Variants in GABRA4 observed in about 807,000 individuals in gnomAD.
GABRA4 encodes gamma-aminobutyric acid receptor subunit alpha-4.
A neutral mutation model predicts 49.7 loss-of-function variants in GABRA4; 12 were observed. The observed-to-expected ratio is 0.24, with a 90% CI of 0.15 to 0.39. The LOEUF (loss-of-function observed/expected upper bound fraction) is 0.39. Ranked by LOEUF, GABRA4 falls within the 10% of genes least tolerant of loss-of-function variation. The pLI is 1.00. For synonymous variants in GABRA4, 288 were observed against 240.2 expected (o/e 1.20, Z -1.84); for missense variants, 506 against 686.0 (o/e 0.74, Z 2.93).
rs556060010 is a variant in GABRA4 at position 46,968,721 on chromosome 4, A to T, written c.874+2362T>A. ...TTTTCTTAAAATATCTTGTTTGGAT[A>T]GGAAATGTTGGGTGAGTACAGCTGT... On this transcript the variant is annotated intron_variant, in intron 7 of 8. Coordinates refer to ENST00000264318, the MANE Select transcript of GABRA4 (RefSeq NM_000809.4). 1.9e-3 allele frequency among the ~76,000 whole-genome samples: 284 copies of T among 151,770 alleles called. 2 individuals carry two copies. The highest frequency in any genetic ancestry group is 6.7e-3 in the African/African-American group (279 of 41,494).
intron 2 of GABRA4, among the ~76,000 whole-genome samples, chr4:46,988,228 C>T (rs181963242): frequency 2.2e-4 from 34 of 152,216 alleles, no homozygotes; most frequent in Middle Eastern, 6.8e-3. Flanking sequence ...ATTAGATTAT[C>T]TCATAGCATT....
chr4:46,986,266 C>A (rs1723532428), intron 2 of GABRA4, among the ~76,000 whole-genome samples: 1 of 151,874 alleles, frequency 6.6e-6, no homozygotes, highest in Non-Finnish European at 1.5e-5. Context: ...AATCTTATTC[C>A]ATTCTCTCTC....
intron 7 of GABRA4, 92 bp downstream of exon 7, chr4:46,970,991 T>C (rs2109384841): frequency 8.6e-7 from 1 of 1,157,862 alleles, no homozygotes; most frequent in Admixed American, 2.2e-5. Flanking sequence ...TAGCCTGATG[T>C]ATTAGGGTTT....
At chr4:46,966,601 T>A (rs1428042386) in intron 7 of GABRA4, among the ~76,000 whole-genome samples, 1 of 151,696 alleles carries the variant, frequency 6.6e-6, no homozygotes, top group African/African-American at 2.4e-5. Flanking sequence ...TTATAATATG[T>A]CACATGGTGC....
In GABRA4 at chr4:46,925,525, C is replaced by T. The variant is rs1180976000; in HGVS notation, c.*2700G>A. The T allele has an allele frequency of 6.6e-6, 1 of 151,576 alleles. No homozygotes were observed. The highest frequency in any genetic ancestry group is 1.5e-5 in the Non-Finnish European group (1 of 67,740). The allele number at this position is 151,576 out of a possible 1,614,324, so 9.4% of individuals were successfully genotyped here. ...TCAGCCAAAATTATTCATTATTATT[C>T]ATAGATAACCAGAACTTTGGGTGCC... On this transcript the variant is annotated 3_prime_UTR_variant, in exon 9 of 9. Coordinates refer to ENST00000264318, the MANE Select transcript of GABRA4 (RefSeq NM_000809.4).
chr4:46,935,766 A>G (rs1229184419), intron 8 of GABRA4, among the ~76,000 whole-genome samples: 1 of 152,192 alleles, frequency 6.6e-6, no homozygotes, highest in African/African-American at 2.4e-5. Context: ...GTGTATACCT[A>G]TGTAACAAAC....
intron 8 of GABRA4, among the ~76,000 whole-genome samples, chr4:46,930,398 G>A (rs560263909): frequency 2.4e-4 from 37 of 152,008 alleles, no homozygotes; most frequent in Non-Finnish European, 4.3e-4. Context: ...GATTATCATT[G>A]ATCCTAAAAT....
At position 46,927,547 on chromosome 4, in the gene GABRA4, G is replaced by A. The variant is rs1721270465; in HGVS notation, c.*678C>T. 1.3e-5 allele frequency: 2 copies of A among 152,460 alleles called. No individual in the cohort carries two copies. Among genetic ancestry groups the A allele is most frequent in the South Asian group, 2.1e-4 (1 of 4,828 alleles). The allele number at this position is 152,460 out of a possible 1,614,324, so 9.4% of individuals were successfully genotyped here. On this transcript the variant is annotated 3_prime_UTR_variant, in exon 9 of 9. Transcript: ENST00000264318. The stretch of plus-strand genomic sequence containing the variant: ...GTAGTAAATAAACACATAACTGAAT[G>A]AACTACCATGAAAAAGAATTCATAC...
intron 8 of GABRA4, among the ~76,000 whole-genome samples, chr4:46,932,642 A>G (rs1041900808): frequency 2.7e-4 from 41 of 152,174 alleles, no homozygotes; most frequent in African/African-American, 9.9e-4. Flanking sequence ...GAACCCAAAC[A>G]CTGTCAAGTT....
At position 46,928,584 on chromosome 4, in the gene GABRA4, A is replaced by G. The variant is rs749918210; in HGVS notation, c.1306T>C (p.Phe436Leu). 1.2e-6 allele frequency: 2 copies of G among 1,613,718 alleles called. No homozygotes were observed. The highest frequency in any genetic ancestry group is 1.1e-5 in the South Asian group (1 of 91,076). Residue 436 changes from phenylalanine (F) to leucine (L), a missense_variant, in exon 9 of 9, where the codon TTC becomes CTC. Coordinates refer to ENST00000264318, the MANE Select transcript of GABRA4 (RefSeq NM_000809.4). ...RSYLASSPNP[F>L]SRANAAETIS... ...GTTTCAGCTGCATTTGCACGGCTGA[A>G]TGGGTTTGGACTGGAAGCTAAGTAA...
chr4:46,937,148 C>T (rs966021459), intron 8 of GABRA4, among the ~76,000 whole-genome samples: 2 of 152,132 alleles, frequency 1.3e-5, no homozygotes, highest in East Asian at 3.9e-4. Context: ...AAAGAAATAC[C>T]AGGTTTCTCT....
intron 8 of GABRA4, among the ~76,000 whole-genome samples, chr4:46,934,590 A>G (rs1312766404): frequency 6.6e-6 from 1 of 152,194 alleles, no homozygotes; most frequent in Non-Finnish European, 1.5e-5. Flanking sequence ...CAGAAATACT[A>G]CTTTCAATAT....
intron 8 of GABRA4, among the ~76,000 whole-genome samples, chr4:46,956,442 C>T (rs1722365182): frequency 6.6e-6 from 1 of 151,988 alleles, no homozygotes; most frequent in Admixed American, 6.6e-5. Flanking sequence ...TGAAACTGAC[C>T]TAGTTTATAT....
chr4:46,922,383 C>T lies in GABRA4; in HGVS notation c.*5842G>A, dbSNP rs1300013072. On this transcript the variant is annotated 3_prime_UTR_variant, in exon 9 of 9. Coordinates refer to ENST00000264318, the MANE Select transcript of GABRA4 (RefSeq NM_000809.4). ...GGGCTGATCTGACTCACCCTCCCAC[C>T]ACTTCCCACACTGTAGTTCAGTAAA... 6.6e-6 allele frequency: 1 copy of T among 152,092 alleles called. No homozygotes were observed. The highest frequency in any genetic ancestry group is 1.5e-5 in the Non-Finnish European group (1 of 68,022). 9.4% of individuals were successfully genotyped at this position (152,092 alleles called of 1,614,324 possible).
Position 46,928,143 on chromosome 4 carries a change from G to T in GABRA4, c.*82C>A. ...TACACAGAGTTTTTATTTTAGTAAA[G>T]AATATTTGTTTATATTTAAAAACAT... On this transcript the variant is annotated 3_prime_UTR_variant, in exon 9 of 9. Transcript: ENST00000264318. 1 of 1,162,108 alleles carries T rather than the reference G, an allele frequency of 8.6e-7. No homozygotes were observed. Among genetic ancestry groups the T allele is most frequent in the Non-Finnish European group, 1.2e-6 (1 of 850,276 alleles). 72.0% of individuals were successfully genotyped at this position (1,162,108 alleles called of 1,614,324 possible). A position where few individuals can be genotyped will look rare whatever the true frequency, so the allele number is the denominator to read the frequency against.
intron 2 of GABRA4, among the ~76,000 whole-genome samples, chr4:46,985,984 G>C (rs1428388803): frequency 6.6e-6 from 1 of 151,654 alleles, no homozygotes; most frequent in Non-Finnish European, 1.5e-5. Context: ...AAAAAAGAAA[G>C]GCAAACTTTT....
At position 46,928,232 on chromosome 4, in the gene GABRA4, A is replaced by G; in HGVS notation, c.1658T>C (p.Leu553Pro). ...SKDTMEKSESLM is the reference protein window; with the variant it reads ...SKDTMEKSESPM ...ACTACTATAGCAACGAAATTACATT[A>G]GACTTTCTGATTTCTCCATAGTGTC... Residue 553 changes from leucine (L) to proline (P), a missense_variant, in exon 9 of 9, where the codon CTA becomes CCA. This residue lies in a region of GABRA4 where 29 missense variants were observed against 25.1 expected (regional missense o/e 1.16). Coordinates refer to ENST00000264318, the MANE Select transcript of GABRA4 (RefSeq NM_000809.4). The G allele has an allele frequency of 6.2e-7, 1 of 1,605,230 alleles. No homozygotes were observed. Among genetic ancestry groups the G allele is most frequent in the Non-Finnish European group, 8.5e-7 (1 of 1,175,234 alleles).
rs796233989 is a variant in GABRA4 at position 46,926,514 on chromosome 4, C to A, written c.*1711G>T. On this transcript the variant is annotated 3_prime_UTR_variant, in exon 9 of 9. Coordinates refer to ENST00000264318, the MANE Select transcript of GABRA4 (RefSeq NM_000809.4). ...ACAATTTTCAGGTATCAAAAACAAC[C>A]ATTATAAGGTAGTGCAATATCTGAA... 17 of 151,910 alleles carry A rather than the reference C, an allele frequency of 1.1e-4. 1 individual carries two copies. The highest frequency in any genetic ancestry group is 4.2e-4 in the South Asian group (2 of 4,818). The allele number at this position is 151,910 out of a possible 1,614,324, so 9.4% of individuals were successfully genotyped here. A position where few individuals can be genotyped will look rare whatever the true frequency, so the allele number is the denominator to read the frequency against.
At chr4:46,942,060 T>C (rs1721818787) in intron 8 of GABRA4, among the ~76,000 whole-genome samples, 1 of 152,184 alleles carries the variant, frequency 6.6e-6, no homozygotes, top group Non-Finnish European at 1.5e-5. Context: ...AGGCATAACA[T>C]ACTTTTAATT....
Sources: gnomAD v4.1 joint callset for allele counts (sites outside exome capture counted in the v4.1 genomes callset) on GRCh38, gnomAD v4.1.1 for gene constraint, gnomAD v4.1.1 regional missense constraint, MANE v1.5 for transcripts, NCBI Gene and HGNC (gene_info 2026-07-23, HGNC 2026-07-21) for gene names.